CFAP70: variants seen among roughly 807,000 people sequenced by gnomAD.
CFAP70 encodes cilia- and flagella-associated protein 70.
CFAP70 carries 81 observed loss-of-function variants against 137.6 expected under a neutral mutation model. The observed-to-expected ratio is 0.59, with a 90% CI of 0.49 to 0.71. The LOEUF (loss-of-function observed/expected upper bound fraction) is 0.71, where lower values mean the gene tolerates loss of function less well. Ranked by LOEUF, CFAP70 falls within the 30% of genes least tolerant of loss-of-function variation. The pLI is 0.00. For missense variants in CFAP70, 976 were observed against 1,226.7 expected (o/e 0.80, Z 3.05); for synonymous variants, 382 against 423.6 (o/e 0.90, Z 1.20).
chr10:73,349,230 A>C (rs1332945294), intron 3 of CFAP70, among the ~76,000 whole-genome samples: 2 of 151,966 alleles, frequency 1.3e-5, no homozygotes, highest in Non-Finnish European at 2.9e-5. Flanking sequence ...AAAAAGTCAC[A>C]ATCTGAAGTT....
At chr10:73,318,614 T>C (rs897645200) in intron 9 of CFAP70, among the ~76,000 whole-genome samples, 6 of 152,216 alleles carry the variant, frequency 3.9e-5, no homozygotes, top group African/African-American at 1.4e-4. Flanking sequence ...TCCATTTTAC[T>C]GATGAATACA....
chr10:73,302,083 G>A (rs1413739077), intron 12 of CFAP70, among the ~76,000 whole-genome samples: 1 of 152,124 alleles, frequency 6.6e-6, no homozygotes, highest in African/African-American at 2.4e-5. Flanking sequence ...CCAGATGAGG[G>A]ACTACTATGG....
chr10:73,347,912 T>C (rs913624805), intron 4 of CFAP70, among the ~76,000 whole-genome samples: 2 of 152,242 alleles, frequency 1.3e-5, no homozygotes, highest in Admixed American at 6.5e-5. Context: ...TGATACCTGC[T>C]CTATGCCCAT....
chr10:73,331,946 T>A (rs953301180), intron 7 of CFAP70, among the ~76,000 whole-genome samples: 2 of 152,324 alleles, frequency 1.3e-5, no homozygotes, highest in Non-Finnish European at 2.9e-5. Context: ...GTATCCAGTT[T>A]CAGCTCCAAT....
rs2046675086 is a variant in CFAP70, at chr10:73,275,713, A to C, written c.2521-115T>G. 10 of 943,358 alleles carry C rather than the reference A, an allele frequency of 1.1e-5. 1 individual carries two copies. In the South Asian group the frequency reaches 2.5e-4, roughly 23 times the overall value. 58.4% of individuals were successfully genotyped at this position (943,358 alleles called of 1,614,324 possible). On this transcript the variant is annotated intron_variant, in intron 21 of 26. Transcript: ENST00000310715. This position sits in a 1 kb window ranked among gnomAD's most constrained non-coding sequence, Gnocchi z 4.0. ...ACGAAATGTATTACAGAATGAAATA[A>C]TTATCCTCAACTTCAAAAGGTAAAG...
At chr10:73,272,891 T>C in intron 24 of CFAP70, 37 bp downstream of exon 25, 2 of 1,528,658 alleles carry the variant, frequency 1.3e-6, no homozygotes, top group Non-Finnish European at 1.8e-6. Context: ...AGGTCAGCTG[T>C]ATCCACAGCC....
At chr10:73,362,147 G>A (rs1175393419), upstream of CFAP70, among the ~76,000 whole-genome samples, 1 of 152,188 alleles carries the variant, frequency 6.6e-6, no homozygotes, top group Non-Finnish European at 1.5e-5. Context: ...ACTGGGATGT[G>A]GGAGGGAGGG....
intron 6 of CFAP70, among the ~76,000 whole-genome samples, chr10:73,335,754 G>A (rs2052583438): frequency 6.6e-6 from 1 of 151,218 alleles, no homozygotes; most frequent in Non-Finnish European, 1.5e-5. Context: ...CATTGATCCA[G>A]TACTAAGATC....
At chr10:73,348,980 T>G (rs948581421) in intron 3 of CFAP70, among the ~76,000 whole-genome samples, 8 of 151,416 alleles carry the variant, frequency 5.3e-5, no homozygotes, top group African/African-American at 1.9e-4. Flanking sequence ...GAGAATCGCT[T>G]GAACCTGGGA....
At chr10:73,284,759 T>C (rs865865266) in intron 19 of CFAP70, among the ~76,000 whole-genome samples, 1 of 24,270 alleles carries the variant, frequency 4.1e-5, no homozygotes, top group Non-Finnish European at 7.4e-5. Flanking sequence ...TATATATATA[T>C]ATATATATAT....
At chr10:73,280,086 AT>A (rs1352178217) in intron 19 of CFAP70, among the ~76,000 whole-genome samples, 1 of 152,176 alleles carries the variant, frequency 6.6e-6, no homozygotes. Flanking sequence ...AATTACACTG[AT>A]TTTCAAATGT....
chr10:73,355,702 C>T (rs866863531), intron 1 of CFAP70, among the ~76,000 whole-genome samples: 22 of 152,162 alleles, frequency 1.4e-4, no homozygotes, highest in African/African-American at 5.3e-4. Flanking sequence ...CGCTTGAACA[C>T]GGCAGGCAGA....
intron 19 of CFAP70, among the ~76,000 whole-genome samples, chr10:73,281,782 T>C (rs2047273663): frequency 6.6e-6 from 1 of 152,136 alleles, no homozygotes; most frequent in African/African-American, 2.4e-5. Context: ...GAAAATGCAG[T>C]ACATATACAC....
At chr10:73,265,442 G>A (rs1466737200) in intron 25 of CFAP70, among the ~76,000 whole-genome samples, 1 of 151,722 alleles carries the variant, frequency 6.6e-6, no homozygotes, top group Non-Finnish European at 1.5e-5. Flanking sequence ...AATATAAACT[G>A]AAAATCATTC....
exon 12 of CFAP70, chr10:73,310,186 T>G: frequency 6.2e-7 from 1 of 1,613,124 alleles, no homozygotes; most frequent in South Asian, 1.1e-5. Flanking sequence ...GGCATTCGCT[T>G]TGGAACCAAG....
chr10:73,304,998 G>A (rs1162971753), intron 12 of CFAP70, among the ~76,000 whole-genome samples: 1 of 152,228 alleles, frequency 6.6e-6, no homozygotes, highest in East Asian at 1.9e-4. Context: ...ATTTTTACTT[G>A]CTCTTGCTCC....
chr10:73,326,058 C>G (rs2051386752), intron 8 of CFAP70, among the ~76,000 whole-genome samples: 1 of 151,970 alleles, frequency 6.6e-6, no homozygotes, highest in Admixed American at 6.6e-5. Flanking sequence ...CACACCACAC[C>G]TATTCCAAAA....
intron 8 of CFAP70, among the ~76,000 whole-genome samples, chr10:73,323,440 G>T (rs916745943): frequency 2.0e-5 from 3 of 152,108 alleles, no homozygotes; most frequent in African/African-American, 7.2e-5. Flanking sequence ...GAGGTACCGG[G>T]TTCATCTCAC....
chr10:73,309,325 T>A (rs1016007912), intron 12 of CFAP70, among the ~76,000 whole-genome samples: 2 of 152,204 alleles, frequency 1.3e-5, no homozygotes, highest in Non-Finnish European at 2.9e-5. Context: ...ACAGTTTTTT[T>A]AAATTACATA....
Sources: allele counts gnomAD v4.1 joint callset (sites outside exome capture counted in the v4.1 genomes callset), GRCh38; gene constraint gnomAD v4.1.1; non-coding constraint Gnocchi (gnomAD v3.1); transcripts MANE v1.5; gene names NCBI Gene and HGNC (gene_info 2026-07-23, HGNC 2026-07-21).